Variants in SLC16A5 observed in about 807,000 individuals in gnomAD.
The protein encoded by SLC16A5 is monocarboxylate transporter 6.
Under a neutral mutation model 33.2 loss-of-function variants are expected in SLC16A5, and 29 were observed. That is an observed-to-expected ratio of 0.87 (90% confidence interval 0.65 to 1.19). The LOEUF (loss-of-function observed/expected upper bound fraction) is 1.19, where lower values mean the gene tolerates loss of function less well. SLC16A5 is among the 50% of genes most tolerant of loss of function. The pLI, the probability that SLC16A5 is intolerant of heterozygous loss-of-function variation, is 0.00. For missense variants in SLC16A5, 606 were observed against 678.2 expected (o/e 0.89, Z 1.18); for synonymous variants, 248 against 284.1 (o/e 0.87, Z 1.28).
At chr17:75,101,775 C>T (rs62084978) in intron 5 of SLC16A5, among the ~76,000 whole-genome samples, 32,556 of 151,524 alleles carry the variant, frequency 0.21, 4,315 homozygotes, top group Non-Finnish European at 0.29. Flanking sequence ...GCTGGGACTG[C>T]AGGCACATGC....
chr17:75,103,173 G>A (rs2073821256), intron 5 of SLC16A5, among the ~76,000 whole-genome samples: 1 of 152,092 alleles, frequency 6.6e-6, no homozygotes, highest in South Asian at 2.1e-4. Flanking sequence ...ACAGGTGTGA[G>A]CCACCGCTCC....
chr17:75,100,270 T>C lies in SLC16A5; in HGVS notation c.607T>C (p.Cys203Arg), dbSNP rs372752447. Residue 203 changes from cysteine to arginine, a missense_variant, in exon 5 of 7, where the codon TGT becomes CGT. Coordinates refer to ENST00000329783, the MANE Select transcript of SLC16A5 (RefSeq NM_004695.4). Reference sequence around the variant, plus strand: ...CAGTGTGGCCCCTGAGACCAAAGAATGTCCCCCGCCACCTCCCGAGACACC... The same window carrying C: ...CAGTGTGGCCCCTGAGACCAAAGAACGTCCCCCGCCACCTCCCGAGACACC... Reference protein sequence around the residue: ...ATSVAPETKECPPPPPETPAL... With the variant: ...ATSVAPETKERPPPPPETPAL... The C allele has an allele frequency of 7.4e-5, 120 of 1,614,042 alleles. No homozygotes were observed. The highest frequency in any genetic ancestry group is 9.7e-5 in the Non-Finnish European group (115 of 1,180,018).
downstream of SLC16A5, among the ~76,000 whole-genome samples, chr17:75,108,300 C>T (rs1568011815): frequency 6.6e-6 from 1 of 152,084 alleles, no homozygotes; most frequent in Non-Finnish European, 1.5e-5. Context: ...GCAGAGAAAC[C>T]CCTTGGGCAC....
In SLC16A5 at chr17:75,092,092, G is replaced by A. The variant is rs116406208; in HGVS notation, c.-48-1497G>A. 4.9e-3 allele frequency among the ~76,000 whole-genome samples: 738 copies of A among 151,950 alleles called. 10 individuals carry two copies. The highest frequency in any genetic ancestry group is 0.017 in the African/African-American group (700 of 41,380). On this transcript the variant is annotated intron_variant, in intron 2 of 6. Transcript: ENST00000329783. ...GTGCATGTCTGCACTGTGTGTGTCC[G>A]TATGTCTGTGTAGCATGTGTGACTC...
rs1194202047 is a variant in SLC16A5 at position 75,105,951 on chromosome 17, G to A, written c.1436G>A (p.Arg479Lys). 1 of 1,612,226 alleles carries A rather than the reference G, an allele frequency of 6.2e-7. No individual in the cohort carries two copies. The highest frequency in any genetic ancestry group is 2.2e-5 in the East Asian group (1 of 44,802). Residue 479 changes from arginine to lysine, a missense_variant, in exon 7 of 7, where the codon AGG becomes AAG. Transcript: ENST00000329783. Reference protein sequence around the residue: ...KHLWGCPASSRTSHEWLLWPK... With the variant: ...KHLWGCPASSKTSHEWLLWPK... Reference sequence around the variant, plus strand: ...CTTTGGGGATGTCCTGCCTCCTCCAGGACCAGCCATGAGTGGCTCTTATGG... The same window carrying A: ...CTTTGGGGATGTCCTGCCTCCTCCAAGACCAGCCATGAGTGGCTCTTATGG...
intron 5 of SLC16A5, among the ~76,000 whole-genome samples, chr17:75,101,364 A>G (rs1208425509): frequency 6.6e-6 from 1 of 151,376 alleles, no homozygotes; most frequent in African/African-American, 2.4e-5. Context: ...ATCGAGACCA[A>G]CATGGCTAAC....
At position 75,093,760 on chromosome 17, in the gene SLC16A5, C is replaced by A. The variant is rs1463077082; in HGVS notation, c.124C>A (p.Gln42Lys). 2 of 1,614,186 alleles carry A rather than the reference C, an allele frequency of 1.2e-6. No individual in the cohort carries two copies. The highest frequency in any genetic ancestry group is 1.7e-6 in the Non-Finnish European group (2 of 1,179,996). Residue 42 changes from glutamine (Q) to lysine (K), a missense_variant, in exon 3 of 7, where the codon CAA becomes AAA. Transcript: ENST00000329783. ...TCIGIFFTEL[Q>K]WEFQASNSET... ...TATCGGCATCTTCTTCACTGAATTG[C>A]AATGGGAGTTCCAGGCCAGCAACAG...
intron 3 of SLC16A5, among the ~76,000 whole-genome samples, chr17:75,096,683 C>T (rs1467404602): frequency 2.0e-5 from 3 of 150,898 alleles, no homozygotes; most frequent in Non-Finnish European, 4.4e-5. Context: ...AGGCATGCGC[C>T]ACCACACCTG....
intron 4 of SLC16A5, among the ~76,000 whole-genome samples, chr17:75,099,313 G>C (rs1454068388): frequency 6.6e-6 from 1 of 152,198 alleles, no homozygotes. Flanking sequence ...GCTGGAGCCG[G>C]ACCACAGAGA....
At chr17:75,108,687 G>T (rs2073882546), downstream of SLC16A5, among the ~76,000 whole-genome samples, 1 of 152,196 alleles carries the variant, frequency 6.6e-6, no homozygotes, top group South Asian at 2.1e-4. Context: ...GGAGGTAAAG[G>T]AAGACAGGCT....
downstream of SLC16A5, among the ~76,000 whole-genome samples, chr17:75,106,704 G>A (rs1372493921): frequency 6.6e-6 from 1 of 151,860 alleles, no homozygotes; most frequent in Non-Finnish European, 1.5e-5. Flanking sequence ...AGACCAGCCT[G>A]GCCAACATGG....
At chr17:75,104,402 G>T (rs1422182602) in intron 6 of SLC16A5, 1 of 1,317,160 alleles carries the variant, frequency 7.6e-7, no homozygotes. Flanking sequence ...CTCTGAAGAT[G>T]CCCTGAGAAA....
chr17:75,107,766 G>C (rs912098863), downstream of SLC16A5, among the ~76,000 whole-genome samples: 1 of 152,176 alleles, frequency 6.6e-6, no homozygotes, highest in African/African-American at 2.4e-5. Context: ...GTGAAACCTC[G>C]TCTCTATTAA....
intron 2 of SLC16A5, among the ~76,000 whole-genome samples, chr17:75,092,351 A>G (rs1242804444): frequency 1.4e-5 from 2 of 146,194 alleles, no homozygotes; most frequent in Non-Finnish European, 3.0e-5. Flanking sequence ...TGAGTGTCTA[A>G]GTGTGTGTCT....
In SLC16A5 at chr17:75,093,748, T is replaced by C; in HGVS notation, c.112T>C (p.Phe38Leu). The C allele has an allele frequency of 6.2e-7, 1 of 1,614,150 alleles. No homozygotes were observed. Among genetic ancestry groups the C allele is most frequent in the South Asian group, 1.1e-5 (1 of 91,088 alleles). ...CTTCCCCACGTGTATCGGCATCTTC[T>C]TCACTGAATTGCAATGGGAGTTCCA... ...LGFPTCIGIFFTELQWEFQAS... is the reference protein window; with the variant it reads ...LGFPTCIGIFLTELQWEFQAS... Residue 38 changes from phenylalanine (F) to leucine (L), a missense_variant, in exon 3 of 7, where the codon TTC (phenylalanine) becomes CTC (leucine). Transcript: ENST00000329783.
chr17:75,100,671 G>C lies in SLC16A5; in HGVS notation c.1008G>C (p.Leu336=), dbSNP rs764144547. ...TCTGGGTGCTCGTGGGCTACTGCCT[G>C]GCGTACAGCGTGTCCATGAGTGGCA... is the stretch of plus-strand genomic sequence containing the variant. ...GDFWVLVGYC[L]AYSVSMSGIG... Residue 336 remains leucine (L), a synonymous_variant, in exon 5 of 7, where the codon CTG becomes CTC. Coordinates refer to ENST00000329783, the MANE Select transcript of SLC16A5 (RefSeq NM_004695.4). The C allele has an allele frequency of 1.9e-6, 3 of 1,614,236 alleles. No homozygotes were observed. In the South Asian group the frequency reaches 3.3e-5, roughly 18 times the overall value.
intron 6 of SLC16A5, chr17:75,105,013 G>C (rs1207178010): frequency 1.0e-6 from 1 of 985,314 alleles, no homozygotes; most frequent in East Asian, 1.1e-4. Flanking sequence ...CCTTCCTCTA[G>C]GTTCCTCCTG....
At chr17:75,110,046 C>A (rs1231470902), downstream of SLC16A5, 2 of 501,896 alleles carry the variant, frequency 4.0e-6, no homozygotes, top group East Asian at 7.0e-5. Flanking sequence ...TTCCCTGTCT[C>A]CCGCGCCCCA....
intron 5 of SLC16A5, among the ~76,000 whole-genome samples, 156 bp downstream of exon 5, chr17:75,100,972 G>A (rs1039805737): frequency 9.2e-5 from 14 of 152,194 alleles, no homozygotes; most frequent in Non-Finnish European, 4.4e-5. Context: ...GGTTTGGCCC[G>A]GCGCGGTGGC....
Sources: gnomAD v4.1 joint callset for allele counts (sites outside exome capture counted in the v4.1 genomes callset) on GRCh38, gnomAD v4.1.1 for gene constraint, MANE v1.5 for transcripts, NCBI Gene and HGNC (gene_info 2026-07-23, HGNC 2026-07-21) for gene names.